DLG2: variants seen among roughly 807,000 people sequenced by gnomAD.
DLG2 encodes discs large MAGUK scaffold protein 2.
DLG2 carries 45 observed loss-of-function variants against 132.5 expected under a neutral mutation model. That is an observed-to-expected ratio of 0.34 (90% CI 0.27 to 0.44). The LOEUF is 0.44. Ranked by LOEUF, DLG2 falls within the 20% of genes least tolerant of loss-of-function variation. The probability of loss-of-function intolerance (pLI) is 1.00; values close to 1 mark genes in which losing one functional copy is unlikely to be tolerated. For synonymous variants in DLG2, 424 were observed against 419.6 expected, an observed-to-expected ratio of 1.01 and a Z score of -0.13; for missense variants, 1,045 against 1,196.9, an observed-to-expected ratio of 0.87 and a Z score of 1.87.
At chr11:84,587,663 C>T (rs1419543117) in intron 6 of DLG2, among the ~76,000 whole-genome samples, 3 of 152,122 alleles carry the variant, frequency 2.0e-5, no homozygotes, top group Admixed American at 2.0e-4. Flanking sequence ...AAGCTCCTAA[C>T]ATCACTTAGT....
At chr11:83,882,767 G>T (rs1486430914) in intron 15 of DLG2, among the ~76,000 whole-genome samples, 1 of 152,170 alleles carries the variant, frequency 6.6e-6, no homozygotes, top group East Asian at 1.9e-4. Flanking sequence ...TTCTGGATGT[G>T]CAGGGTAGGA....
intron 6 of DLG2, among the ~76,000 whole-genome samples, chr11:84,891,723 AT>A (rs2154064175): frequency 6.6e-6 from 1 of 152,302 alleles, no homozygotes; most frequent in East Asian, 1.9e-4. Flanking sequence ...ATTAAAATAT[AT>A]TTTGGACCCA....
At chr11:84,169,504 C>T (rs555214471) in intron 8 of DLG2, among the ~76,000 whole-genome samples, 1 of 152,254 alleles carries the variant, frequency 6.6e-6, no homozygotes, top group South Asian at 2.1e-4. Flanking sequence ...TTTTCTTGAA[C>T]CAATCTAAGA....
intron 6 of DLG2, among the ~76,000 whole-genome samples, chr11:84,667,141 A>G (rs2099700533): frequency 6.6e-6 from 1 of 152,104 alleles, no homozygotes; most frequent in Admixed American, 6.6e-5. Context: ...CTTATTTCCA[A>G]TTTATGAGAC....
chr11:85,354,157 G>A (rs2083510889), intron 3 of DLG2, among the ~76,000 whole-genome samples: 1 of 151,736 alleles, frequency 6.6e-6, no homozygotes, highest in Non-Finnish European at 1.5e-5. Context: ...CAAAATAAAG[G>A]AGATAAAAAA....
intron 8 of DLG2, among the ~76,000 whole-genome samples, chr11:84,234,294 T>C (rs1262387893): frequency 6.6e-6 from 1 of 152,202 alleles, no homozygotes; most frequent in Admixed American, 6.5e-5. Flanking sequence ...ATTCCCACTC[T>C]AAAGCTTTTT....
Position 85,598,688 on chromosome 11 carries a change from G to A in DLG2, c.9C>T (p.Ile3=), listed in dbSNP as rs2079950988. MG[I]FKSSLFQALL... ...AAGCTTGGAATAAGCTGCTCTTAAAGATACCCATCACCTTTTTAACCGCAT... is the reference window on the plus strand; with the variant it reads ...AAGCTTGGAATAAGCTGCTCTTAAAAATACCCATCACCTTTTTAACCGCAT... Residue 3 remains isoleucine (I), a synonymous_variant, in exon 3 of 28, where the codon ATC becomes ATT. Coordinates refer to ENST00000376104, the MANE Select transcript of DLG2 (RefSeq NM_001142699.3). The A allele has an allele frequency of 6.3e-7, 1 of 1,579,884 alleles. No individual in the cohort carries two copies. Among genetic ancestry groups the A allele is most frequent in the African/African-American group, 1.4e-5 (1 of 72,752 alleles).
intron 7 of DLG2, among the ~76,000 whole-genome samples, chr11:84,461,493 G>A (rs937440612): frequency 2.0e-5 from 3 of 150,852 alleles, no homozygotes; most frequent in African/African-American, 4.9e-5. Context: ...TATGCTTTCC[G>A]ATAATTTTAA....
intron 7 of DLG2, among the ~76,000 whole-genome samples, chr11:84,392,895 A>G (rs949975481): frequency 1.3e-5 from 2 of 152,168 alleles, no homozygotes; most frequent in Non-Finnish European, 2.9e-5. Context: ...GTAATGATAA[A>G]CTTTTTTAAC....
At chr11:84,931,897 T>C (rs2048135848) in intron 6 of DLG2, among the ~76,000 whole-genome samples, 1 of 152,228 alleles carries the variant, frequency 6.6e-6, no homozygotes, top group Non-Finnish European at 1.5e-5. Flanking sequence ...TCATGATTGC[T>C]GGCTGCATAC....
intron 20 of DLG2, among the ~76,000 whole-genome samples, chr11:83,534,688 A>T (rs2095840110): frequency 6.6e-6 from 1 of 152,190 alleles, no homozygotes; most frequent in Non-Finnish European, 1.5e-5. Context: ...TAATCCCAGC[A>T]CTTTAGGAGG....
At chr11:84,944,880 G>A (rs925359337) in intron 6 of DLG2, among the ~76,000 whole-genome samples, 16 of 152,170 alleles carry the variant, frequency 1.1e-4, no homozygotes, top group African/African-American at 1.7e-4. Flanking sequence ...TGGGATTACC[G>A]GCGTGAGCCA....
chr11:83,782,047 G>A (rs186816561), intron 18 of DLG2, among the ~76,000 whole-genome samples: 1 of 152,254 alleles, frequency 6.6e-6, no homozygotes, highest in Non-Finnish European at 1.5e-5. Context: ...CAAAACAACA[G>A]CTGTAGATTT....
At chr11:84,478,559 A>T (rs2099128004) in intron 7 of DLG2, among the ~76,000 whole-genome samples, 1 of 152,052 alleles carries the variant, frequency 6.6e-6, no homozygotes, top group African/African-American at 2.4e-5. Flanking sequence ...CTTATGCATA[A>T]ATCTCTTCAT....
chr11:84,073,739 C>T (rs1475239568), intron 10 of DLG2, among the ~76,000 whole-genome samples: 1 of 152,106 alleles, frequency 6.6e-6, no homozygotes, highest in African/African-American at 2.4e-5. Context: ...TCCATAGAAA[C>T]AGGAAAATTA....
chr11:84,443,220 CTAATG>C (rs1247493247), intron 7 of DLG2, among the ~76,000 whole-genome samples: 1 of 152,100 alleles, frequency 6.6e-6, no homozygotes, highest in Non-Finnish European at 1.5e-5. Flanking sequence ...TGTAAAGAAC[CTAATG>C]TAACATTTAC....
chr11:84,373,265 C>CAGAAACAAAAA (rs2098715158), intron 7 of DLG2, among the ~76,000 whole-genome samples: 1 of 98,090 alleles, frequency 1.0e-5, no homozygotes, highest in African/African-American at 4.6e-5. Context: ...AAAAAAAAAA[C>CAGAAACAAAAA]AAAACAAAAA....
intron 7 of DLG2, among the ~76,000 whole-genome samples, chr11:84,326,510 T>C (rs926391251): frequency 1.3e-5 from 2 of 152,194 alleles, no homozygotes; most frequent in East Asian, 3.8e-4. Flanking sequence ...AGTTGTTTAA[T>C]TTCCTCATGT....
At chr11:85,536,044 C>T (rs2075556775) in intron 3 of DLG2, among the ~76,000 whole-genome samples, 1 of 151,702 alleles carries the variant, frequency 6.6e-6, no homozygotes. Flanking sequence ...GGTGAAACCC[C>T]ATCTCTACCA....
Sources: allele counts gnomAD v4.1 joint callset (sites outside exome capture counted in the v4.1 genomes callset), GRCh38; gene constraint gnomAD v4.1.1; transcripts MANE v1.5; gene names NCBI Gene and HGNC (gene_info 2026-07-23, HGNC 2026-07-21).